The following ARFRP1 variants were observed in gnomAD, a reference collection of about 807,000 sequenced individuals.
The protein encoded by ARFRP1 is ADP-ribosylation factor-related protein 1.
A neutral mutation model predicts 30.3 loss-of-function variants in ARFRP1; 19 were observed. That is an observed-to-expected ratio of 0.63 (90% CI 0.44 to 0.92). The LOEUF is 0.92. Ranked by LOEUF, ARFRP1 falls within the 40% of genes least tolerant of loss-of-function variation. The pLI is 0.00. For missense variants in ARFRP1, 245 were observed against 267.5 expected (o/e 0.92, Z 0.59); for synonymous variants, 133 against 114.2 (o/e 1.16, Z -1.05).
Position 63,705,766 on chromosome 20 carries a change from G to C in ARFRP1, c.264+591C>G, listed in dbSNP as rs767249058. The C allele has an allele frequency of 1.3e-5, 7 of 533,024 alleles. No individual in the cohort carries two copies. The African/African-American group carries it at 1.3e-4, about 10-fold the overall frequency. 33.0% of individuals were successfully genotyped at this position (533,024 alleles called of 1,614,324 possible). Reference sequence around the variant, plus strand: ...ACTTTGGAGGAGTGCAGGGTCCCCAGGTCCCCACACTTTGTCTTGTCCTGA... The same window carrying C: ...ACTTTGGAGGAGTGCAGGGTCCCCACGTCCCCACACTTTGTCTTGTCCTGA... On this transcript the variant is annotated intron_variant, in intron 4 of 7. Transcript: ENST00000622789.
chr20:63,707,280 C>T (rs990228527), intron 1 of ARFRP1, 183 bp from the exon 2 acceptor site: 2 of 602,944 alleles, frequency 3.3e-6, no homozygotes, highest in African/African-American at 3.7e-5. Flanking sequence ...GGTCAGCCGC[C>T]ACTGTGTCCT....
chr20:63,707,242 C>A, intron 1 of ARFRP1, 145 bp from the exon 2 acceptor site: 1 of 654,008 alleles, frequency 1.5e-6, no homozygotes, highest in Admixed American at 2.7e-5. Context: ...CGTCCCTCTC[C>A]CACCCCGTCC....
rs971145279 is a variant in ARFRP1 at position 63,699,712 on chromosome 20, G to A, written c.*731C>T. 2 of 153,050 alleles carry A rather than the reference G, an allele frequency of 1.3e-5. No individual in the cohort carries two copies. Among genetic ancestry groups the A allele is most frequent in the African/African-American group, 2.4e-5 (1 of 41,420 alleles). The allele number at this position is 153,050 out of a possible 1,614,324, so 9.5% of individuals were successfully genotyped here. ...CTCCGGGAGGTTCTCTCCTGGCTGG[G>A]GGAGGGCTCTGGACCCCCACAAACA... On this transcript the variant is annotated 3_prime_UTR_variant, in exon 8 of 8. Transcript: ENST00000622789.
At position 63,699,992 on chromosome 20, in the gene ARFRP1, C is replaced by G. The variant is rs533959149; in HGVS notation, c.*451G>C. 1 of 185,582 alleles carries G rather than the reference C, an allele frequency of 5.4e-6. No homozygotes were observed. Among genetic ancestry groups the G allele is most frequent in the African/African-American group, 2.6e-5 (1 of 38,472 alleles). 11.5% of individuals were successfully genotyped at this position (185,582 alleles called of 1,614,324 possible). ...CAGCCCCAGACCACTTCCGGGGTCA[C>G]GGGGTCACGGGGTCACAGGGCAGAA... is the stretch of plus-strand genomic sequence containing the variant. On this transcript the variant is annotated 3_prime_UTR_variant, in exon 8 of 8. Transcript: ENST00000622789.
intron 6 of ARFRP1, 130 bp downstream of exon 6, chr20:63,701,700 C>T: frequency 1.2e-6 from 1 of 814,588 alleles, no homozygotes; most frequent in Non-Finnish European, 2.0e-6. Context: ...GCAGGGCAGG[C>T]CTTGAGAATG....
intron 4 of ARFRP1, 56 bp downstream of exon 4, chr20:63,706,301 G>C (rs1226341282): frequency 3.9e-6 from 6 of 1,524,962 alleles, no homozygotes; most frequent in Non-Finnish European, 4.5e-6. Flanking sequence ...GGGCACTCTG[G>C]AAAGAAGTGG....
At position 63,698,702 on chromosome 20, in the gene ARFRP1, G is replaced by C; in HGVS notation, c.*1741C>G. ...TCATAAAACTGGTTGTAGTTGCACAGCTACTGGGAGGGCAGCCGGGGACAC... is the reference window on the plus strand; with the variant it reads ...TCATAAAACTGGTTGTAGTTGCACACCTACTGGGAGGGCAGCCGGGGACAC... On this transcript the variant is annotated 3_prime_UTR_variant, in exon 8 of 8. Transcript: ENST00000622789. The C allele has an allele frequency of 9.0e-7, 1 of 1,105,072 alleles. No homozygotes were observed. Among genetic ancestry groups the C allele is most frequent in the Non-Finnish European group, 1.2e-6 (1 of 832,016 alleles). The allele number at this position is 1,105,072 out of a possible 1,614,324, so 68.5% of individuals were successfully genotyped here.
chr20:63,705,974 C>G (rs184925167), intron 4 of ARFRP1: 4 of 347,918 alleles, frequency 1.1e-5, no homozygotes, highest in African/African-American at 2.1e-5. Context: ...AGATCCCCCC[C>G]GGCTTCAGGC....
At chr20:63,705,488 G>C (rs2091408860) in intron 4 of ARFRP1, 1 of 425,206 alleles carries the variant, frequency 2.4e-6, no homozygotes. Flanking sequence ...ATAAACTGCA[G>C]CCTTGGGGGT....
Position 63,706,445 on chromosome 20 carries a change from G to GA in ARFRP1, c.182-7dup. Reference sequence around the variant, plus strand: ...TCCCACATCCACAGTGCCGACTGGGGAGAGGAGGAAACAGGCAAGGCTCAT... The same window carrying GA: ...TCCCACATCCACAGTGCCGACTGGGGAAGAGGAGGAAACAGGCAAGGCTCAT... On this transcript the variant is annotated splice_region_variant and splice_polypyrimidine_tract_variant and intron_variant, in intron 3 of 7. Transcript: ENST00000622789. 6.2e-7 allele frequency: 1 copy of GA among 1,613,174 alleles called. No homozygotes were observed. The highest frequency in any genetic ancestry group is 2.2e-5 in the East Asian group (1 of 44,884).
At chr20:63,707,336 G>A (rs775797096) in intron 1 of ARFRP1, 41 of 485,920 alleles carry the variant, frequency 8.4e-5, no homozygotes, top group Admixed American at 3.3e-4. Context: ...ATCGGTTCCG[G>A]CCCCTCCCCT....
chr20:63,701,692 AG>A, intron 6 of ARFRP1, 137 bp downstream of exon 6: 1 of 759,332 alleles, frequency 1.3e-6, no homozygotes, highest in Non-Finnish European at 2.2e-6. Context: ...TGCTGGGGGC[AG>A]GGCAGGCCTT....
Position 63,699,204 on chromosome 20 carries a change from G to C in ARFRP1, c.*1239C>G, listed in dbSNP as rs1297580005. On this transcript the variant is annotated 3_prime_UTR_variant, in exon 8 of 8. Transcript: ENST00000622789. ...GGCTGGAGGTCCCCCCCAGGTCCTG[G>C]GAACCAACCTGCAGAACACACACAG... The C allele has an allele frequency of 6.6e-6, 1 of 152,212 alleles. No homozygotes were observed. Among genetic ancestry groups the C allele is most frequent in the South Asian group, 2.1e-4 (1 of 4,832 alleles). 9.4% of individuals were successfully genotyped at this position (152,212 alleles called of 1,614,324 possible).
rs1174343795 is a variant in ARFRP1 at position 63,702,529 on chromosome 20, G to T, written c.265-312C>A. The T allele has an allele frequency of 2.4e-5, 9 of 374,050 alleles. No homozygotes were observed. In the East Asian group the frequency reaches 5.2e-4, roughly 22 times the overall value. The allele number at this position is 374,050 out of a possible 1,614,324, so 23.2% of individuals were successfully genotyped here. A position where few individuals can be genotyped will look rare whatever the true frequency, so the allele number is the denominator to read the frequency against. On this transcript the variant is annotated intron_variant, in intron 4 of 7. Coordinates refer to ENST00000622789, the MANE Select transcript of ARFRP1 (RefSeq NM_001267547.3). ...ACACTTTGGGAGGCAGAAGCAGGAGGATCACCTGAGCCCACTTCACGGCCA... is the reference window on the plus strand; with the variant it reads ...ACACTTTGGGAGGCAGAAGCAGGAGTATCACCTGAGCCCACTTCACGGCCA...
In ARFRP1 at chr20:63,706,921, C is replaced by T. The variant is rs936924646; in HGVS notation, c.93+78G>A. ...ATTTGGCTTCCGTCTGGGTAGTGAACGTGCAGCTGACAGCACAAAACCGAA... is the reference window on the plus strand; with the variant it reads ...ATTTGGCTTCCGTCTGGGTAGTGAATGTGCAGCTGACAGCACAAAACCGAA... On this transcript the variant is annotated intron_variant, in intron 2 of 7. Transcript: ENST00000622789. 33 of 1,537,702 alleles carry T rather than the reference C, an allele frequency of 2.1e-5. No homozygotes were observed. In the South Asian group the frequency reaches 3.2e-4, roughly 15 times the overall value.
In ARFRP1 at chr20:63,707,950, A is replaced by T. The variant is rs2091579231; in HGVS notation, c.-90T>A. 6.6e-6 allele frequency: 1 copy of T among 152,080 alleles called. No individual in the cohort carries two copies. The highest frequency in any genetic ancestry group is 6.6e-5 in the Admixed American group (1 of 15,264). 9.4% of individuals were successfully genotyped at this position (152,080 alleles called of 1,614,324 possible). A position where few individuals can be genotyped will look rare whatever the true frequency, so the allele number is the denominator to read the frequency against. ...CCGCGCTAACCCCGCGCGGCGCCTG[A>T]CGGGACGCGGGCCGGCCTCAGGGAA... On this transcript the variant is annotated 5_prime_UTR_variant, in exon 1 of 8. Coordinates refer to ENST00000622789, the MANE Select transcript of ARFRP1 (RefSeq NM_001267547.3).
chr20:63,707,122 G>C, intron 1 of ARFRP1, 25 bp from the exon 2 acceptor site: 1 of 1,573,270 alleles, frequency 6.4e-7, no homozygotes, highest in Non-Finnish European at 8.6e-7. Flanking sequence ...ATAGGTCAGT[G>C]TGCAGCCAGA....
intron 4 of ARFRP1, chr20:63,705,961 C>A: frequency 2.9e-6 from 1 of 346,266 alleles, no homozygotes; most frequent in Non-Finnish European, 5.7e-6. Context: ...CAGCCCTGAA[C>A]CCAGATCCCC....
intron 4 of ARFRP1, 94 bp downstream of exon 4, chr20:63,706,262 TA>T: frequency 1.7e-6 from 2 of 1,159,698 alleles, no homozygotes; most frequent in Non-Finnish European, 2.6e-6. Flanking sequence ...ACAGAGTGGG[TA>T]AGGAAAACTG....
Sources: gnomAD v4.1 joint callset for allele counts on GRCh38, gnomAD v4.1.1 for gene constraint, MANE v1.5 for transcripts, NCBI Gene and HGNC (gene_info 2026-07-23, HGNC 2026-07-21) for gene names.